The following SCP2 variants were observed in gnomAD, a reference collection of about 807,000 sequenced individuals.
SCP2 encodes sterol carrier protein 2.
SCP2 carries 48 observed loss-of-function variants against 71.4 expected under a neutral mutation model. The observed-to-expected ratio is 0.67, with a 90% CI of 0.53 to 0.86. The LOEUF (loss-of-function observed/expected upper bound fraction) is 0.86. Ranked by LOEUF, SCP2 falls within the 40% of genes least tolerant of loss-of-function variation. The pLI is 0.00. For missense variants in SCP2, 560 were observed against 655.6 expected (o/e 0.85, Z 1.59); for synonymous variants, 220 against 218.1 (o/e 1.01, Z -0.08).
intron 6 of SCP2, among the ~76,000 whole-genome samples, chr1:52,962,657 G>A (rs1375262564): frequency 6.6e-6 from 1 of 151,612 alleles, no homozygotes; most frequent in Non-Finnish European, 1.5e-5. Flanking sequence ...CTTTCTTTCT[G>A]TTCCTCAAAC....
intron 13 of SCP2, 23 bp downstream of exon 13, chr1:53,028,094 C>A: frequency 1.5e-6 from 2 of 1,316,412 alleles, no homozygotes; most frequent in Non-Finnish European, 2.2e-6. Context: ...TAAAATATTG[C>A]CAGGAAGGAC....
chr1:52,970,755 A>G (rs12089511), intron 6 of SCP2, among the ~76,000 whole-genome samples: 1 of 151,662 alleles, frequency 6.6e-6, no homozygotes, highest in Non-Finnish European at 1.5e-5. Flanking sequence ...CAGCCTGCCC[A>G]TGTACCCTTA....
At chr1:53,002,750 A>G (rs1660397706) in intron 11 of SCP2, among the ~76,000 whole-genome samples, 1 of 152,196 alleles carries the variant, frequency 6.6e-6, no homozygotes, top group Admixed American at 6.5e-5. Context: ...TTTTGTTTAC[A>G]TGTTTCAGTA....
chr1:52,936,439 A>T (rs552814254), intron 1 of SCP2, among the ~76,000 whole-genome samples: 1 of 152,150 alleles, frequency 6.6e-6, no homozygotes, highest in African/African-American at 2.4e-5. Context: ...ATACACTACC[A>T]CCTATAGTTT....
chr1:52,997,853 T>C (rs1660041264), intron 11 of SCP2, among the ~76,000 whole-genome samples: 2 of 152,238 alleles, frequency 1.3e-5, no homozygotes, highest in African/African-American at 4.8e-5. Context: ...CCAAAAGTTC[T>C]AGCCTGTCTA....
chr1:52,996,058 T>A, intron 11 of SCP2: 1 of 1,146,810 alleles, frequency 8.7e-7, no homozygotes, highest in South Asian at 3.2e-5. Flanking sequence ...GGCTTCTCAG[T>A]TCCCTTAGCC....
At chr1:53,017,274 C>CAT (rs1661400269) in intron 12 of SCP2, among the ~76,000 whole-genome samples, 1 of 152,068 alleles carries the variant, frequency 6.6e-6, no homozygotes, top group Non-Finnish European at 1.5e-5. Flanking sequence ...TTTTGATAAA[C>CAT]ATACAGTCGT....
intron 11 of SCP2, among the ~76,000 whole-genome samples, chr1:52,999,162 A>G (rs962857816): frequency 6.6e-6 from 1 of 152,220 alleles, no homozygotes; most frequent in East Asian, 1.9e-4. Context: ...ATTGAAAAGT[A>G]AATGTTTCCT....
chr1:52,995,676 A>C, intron 11 of SCP2: 1 of 718,068 alleles, frequency 1.4e-6, no homozygotes. Context: ...GTCCATGAGC[A>C]GTTGCTCAAC....
intron 5 of SCP2, among the ~76,000 whole-genome samples, chr1:52,959,886 A>G (rs1322439423): frequency 2.0e-5 from 3 of 147,592 alleles, no homozygotes; most frequent in Non-Finnish European, 3.0e-5. Context: ...GTTTTTACTG[A>G]TTTTCAATTT....
At chr1:52,976,800 G>C (rs186630279) in intron 8 of SCP2, 31 bp downstream of exon 8, 1 of 1,084,170 alleles carries the variant, frequency 9.2e-7, no homozygotes, top group Non-Finnish European at 1.4e-6. Context: ...CATTTAATGA[G>C]GGAAGTAACT....
chr1:52,981,566 A>G (rs1463595847), intron 10 of SCP2, among the ~76,000 whole-genome samples: 1 of 150,780 alleles, frequency 6.6e-6, no homozygotes, highest in Non-Finnish European at 1.5e-5. Flanking sequence ...CCTCCCGAGT[A>G]TTACAGGTGT....
chr1:52,961,744 TG>T, intron 6 of SCP2, 115 bp downstream of exon 6: 1 of 956,114 alleles, frequency 1.0e-6, no homozygotes, highest in Non-Finnish European at 1.6e-6. Flanking sequence ...AGATGTAAAA[TG>T]TTTTTTGAAT....
chr1:52,929,313 T>C (rs956831751), intron 1 of SCP2, among the ~76,000 whole-genome samples: 1 of 151,540 alleles, frequency 6.6e-6, no homozygotes, highest in African/African-American at 2.4e-5. Context: ...TCCTACCGAG[T>C]AGCTAGGACT....
chr1:52,990,597 G>A (rs1022188065), intron 11 of SCP2, among the ~76,000 whole-genome samples: 2 of 151,964 alleles, frequency 1.3e-5, no homozygotes, highest in East Asian at 1.9e-4. Flanking sequence ...AGCCAGGCGT[G>A]GTGGCGGGCG....
At chr1:52,936,486 C>A (rs1372072235) in intron 1 of SCP2, among the ~76,000 whole-genome samples, 1 of 152,128 alleles carries the variant, frequency 6.6e-6, no homozygotes, top group African/African-American at 2.4e-5. Flanking sequence ...AATTTTGGAT[C>A]CAGTTGCCAA....
rs200302137 is a variant in SCP2, at chr1:52,950,833, A to T, written c.278A>T (p.Asn93Ile). The change falls in exon 4 of 16, where the codon AAC becomes ATC. Residue 93 changes from asparagine (N) to isoleucine (I), a missense_variant. By Grantham distance (149) the Asn-to-Ile change is moderately radical. Transcript: ENST00000371514. Reference protein sequence around the residue: ...TGIPIINVNNNCATGSTALFM... With the variant: ...TGIPIINVNNICATGSTALFM... ...ATTCCTATAATCAATGTCAACAATA[A>T]CTGTGCTACTGGTTCTACTGCTTTG... The T allele has an allele frequency of 4.3e-6, 7 of 1,613,992 alleles. No homozygotes were observed. Among genetic ancestry groups the T allele is most frequent in the Non-Finnish European group, 5.9e-6 (7 of 1,179,870 alleles).
chr1:52,993,303 C>A, intron 11 of SCP2: 1 of 1,614,158 alleles, frequency 6.2e-7, no homozygotes, highest in South Asian at 1.1e-5. Flanking sequence ...CGGACAAGTT[C>A]ATGGAAAGCT....
chr1:52,943,854 G>T, intron 2 of SCP2: 1 of 447,632 alleles, frequency 2.2e-6, no homozygotes, highest in Non-Finnish European at 4.5e-6. Context: ...ACACTCTTGC[G>T]AGCAGCTTTT....
Sources: allele counts gnomAD v4.1 joint callset (sites outside exome capture counted in the v4.1 genomes callset), GRCh38; gene constraint gnomAD v4.1.1; transcripts MANE v1.5; gene names NCBI Gene and HGNC (gene_info 2026-07-23, HGNC 2026-07-21).